TNRC6B: variants seen among roughly 807,000 people sequenced by gnomAD.
TNRC6B encodes the protein trinucleotide repeat-containing gene 6B protein.
TNRC6B carries 52 observed loss-of-function variants against 203.6 expected under a neutral mutation model. The observed-to-expected ratio is 0.26, with a 90% CI of 0.20 to 0.32. TNRC6B has a LOEUF of 0.32. Ranked by LOEUF, TNRC6B falls within the 10% of genes least tolerant of loss-of-function variation. TNRC6B has a pLI of 1.00. For synonymous variants in TNRC6B, 838 were observed against 845.7 expected, an observed-to-expected ratio of 0.99 and a Z score of 0.16; for missense variants, 1,923 against 2,286.2, an observed-to-expected ratio of 0.84 and a Z score of 3.24.
chr22:40,202,765 GA>G (rs1205891157), intron 1 of TNRC6B, among the ~76,000 whole-genome samples: 1 of 152,116 alleles, frequency 6.6e-6, no homozygotes, highest in Admixed American at 6.6e-5. Flanking sequence ...GCCAGGAGTA[GA>G]CTGCGTGGAG....
intron 1 of TNRC6B, among the ~76,000 whole-genome samples, chr22:40,218,089 C>T (rs1027672167): frequency 2.0e-5 from 3 of 151,924 alleles, no homozygotes; most frequent in Admixed American, 6.6e-5. Context: ...CAATGGCTGA[C>T]ATTTCTTTAT....
chr22:40,275,804 C>T (rs2070634048), intron 7 of TNRC6B, among the ~76,000 whole-genome samples: 1 of 151,954 alleles, frequency 6.6e-6, no homozygotes, highest in Non-Finnish European at 1.5e-5. Flanking sequence ...ACTAAACCTA[C>T]AAAAATTAGC....
Position 40,265,227 on chromosome 22 carries a change from A to G in TNRC6B, c.997A>G (p.Ser333Gly), listed in dbSNP as rs2070458916. The G allele has an allele frequency of 1.9e-6, 3 of 1,613,942 alleles. No homozygotes were observed. Among genetic ancestry groups the G allele is most frequent in the Admixed American group, 3.3e-5 (2 of 60,008 alleles). The change falls in exon 5 of 23, where the codon AGT becomes GGT. Residue 333 changes from serine to glycine, a missense_variant. Physicochemically the swap from Ser to Gly is moderately conservative, Grantham distance 56 (BLOSUM62 0). Around this residue, in one of 8 missense-constraint regions of TNRC6B, gnomAD observed 614 missense variants for 587.7 expected, o/e 1.04. Transcript: ENST00000454349. ...GALETDNSNSSAQVSTVGQTS... is the reference protein window; with the variant it reads ...GALETDNSNSGAQVSTVGQTS... The stretch of plus-strand genomic sequence containing the variant: ...ATTGGAAACAGATAATAGTAATTCC[A>G]GTGCACAGGTTAGCACAGTAGGTCA...
At chr22:40,284,823 A>G (rs1401983166) in intron 11 of TNRC6B, among the ~76,000 whole-genome samples, 1 of 152,202 alleles carries the variant, frequency 6.6e-6, no homozygotes, top group Non-Finnish European at 1.5e-5. Flanking sequence ...GGCAGAGAGA[A>G]CACAGTGTTG....
At chr22:40,140,339 G>T (rs1256374749) in intron 3 of TNRC6B, among the ~76,000 whole-genome samples, 1 of 152,172 alleles carries the variant, frequency 6.6e-6, no homozygotes, top group Admixed American at 6.5e-5. Flanking sequence ...TAGTCAAAGA[G>T]ATGTAAGCAG....
chr22:40,255,120 A>G (rs1228403099), intron 3 of TNRC6B, among the ~76,000 whole-genome samples: 2 of 152,220 alleles, frequency 1.3e-5, no homozygotes, highest in African/African-American at 4.8e-5. Flanking sequence ...ACTGTCTTCA[A>G]AAATTTGAAG....
chr22:40,098,778 A>G (rs1426414305), intron 1 of TNRC6B, among the ~76,000 whole-genome samples: 1 of 151,968 alleles, frequency 6.6e-6, no homozygotes, highest in Non-Finnish European at 1.5e-5. Flanking sequence ...CCCATACTGG[A>G]GTGCAGTGGT....
At chr22:40,285,922 A>C (rs1471316175) in intron 12 of TNRC6B, among the ~76,000 whole-genome samples, 152 bp downstream of exon 12, 2 of 152,260 alleles carry the variant, frequency 1.3e-5, no homozygotes, top group African/African-American at 4.8e-5. Context: ...GCTAAGATCA[A>C]GTAGAGTAAA....
At chr22:40,283,317 C>T (rs913129963) in intron 11 of TNRC6B, among the ~76,000 whole-genome samples, 2 of 152,172 alleles carry the variant, frequency 1.3e-5, no homozygotes, top group South Asian at 2.1e-4. Context: ...GGATTACAGG[C>T]GTGAGCCACC....
chr22:40,220,482 G>T (rs536545042), intron 1 of TNRC6B, among the ~76,000 whole-genome samples: 1 of 152,188 alleles, frequency 6.6e-6, no homozygotes, highest in African/African-American at 2.4e-5. Flanking sequence ...TGGGGAGGAG[G>T]GGGGGAGGGG....
intron 1 of TNRC6B, among the ~76,000 whole-genome samples, chr22:40,200,549 A>G (rs906308625): frequency 6.6e-6 from 1 of 151,786 alleles, no homozygotes; most frequent in African/African-American, 2.4e-5. Flanking sequence ...CGGCCTCCCA[A>G]AGTGCTGGGA....
rs1463986240 is a variant in TNRC6B, at chr22:40,329,835, C to G, written c.*6594C>G. On this transcript the variant is annotated 3_prime_UTR_variant, in exon 23 of 23. Coordinates refer to ENST00000454349, the MANE Select transcript of TNRC6B (RefSeq NM_001162501.2). ...AGTTGCAGTAACTGCCAGTGTTTGC[C>G]TCACCAAATTTAAATCGTTCCCTTT... 6.6e-6 allele frequency: 1 copy of G among 152,256 alleles called. No homozygotes were observed. The highest frequency in any genetic ancestry group is 6.5e-5 in the Admixed American group (1 of 15,280). The allele number at this position is 152,256 out of a possible 1,614,324, so 9.4% of individuals were successfully genotyped here. A position where few individuals can be genotyped will look rare whatever the true frequency, so the allele number is the denominator to read the frequency against.
At chr22:40,194,379 G>A (rs1056773471) in intron 1 of TNRC6B, among the ~76,000 whole-genome samples, 4 of 152,128 alleles carry the variant, frequency 2.6e-5, no homozygotes, top group African/African-American at 7.2e-5. Flanking sequence ...CGATGGCCTC[G>A]GCTGCTGAGC....
intron 1 of TNRC6B, among the ~76,000 whole-genome samples, chr22:40,186,140 C>G (rs1416815505): frequency 6.6e-6 from 1 of 152,016 alleles, no homozygotes; most frequent in East Asian, 1.9e-4. Flanking sequence ...GAAAAAAGAA[C>G]TGAGAATGAG....
At chr22:40,172,339 A>G (rs927850655) in intron 4 of TNRC6B, among the ~76,000 whole-genome samples, 2 of 152,258 alleles carry the variant, frequency 1.3e-5, no homozygotes, top group Non-Finnish European at 2.9e-5. Flanking sequence ...TCAGCTCCAT[A>G]TAGACGAGAA....
At position 40,262,153 on chromosome 22, in the gene TNRC6B, G is replaced by C; in HGVS notation, c.437G>C (p.Ser146Thr). The C allele has an allele frequency of 1.4e-6, 2 of 1,451,198 alleles. No individual in the cohort carries two copies. Among genetic ancestry groups the C allele is most frequent in the Non-Finnish European group, 1.8e-6 (2 of 1,082,532 alleles). The allele number at this position is 1,451,198 out of a possible 1,614,324, so 89.9% of individuals were successfully genotyped here. The change falls in exon 4 of 23, where the codon AGT (serine) becomes ACT (threonine). Residue 146 changes from serine (S) to threonine (T), a missense_variant. Physicochemically the swap from Ser to Thr is moderately conservative, Grantham distance 58 (BLOSUM62 1). Coordinates refer to ENST00000454349, the MANE Select transcript of TNRC6B (RefSeq NM_001162501.2). ...CAAGTGACAGGAGCGCTGCTGCAGA[G>C]TGAGAGTGGGACTGCGCCAGGTAAG... ...NAQVTGALLQ[S>T]ESGTAPDSTL...
chr22:40,078,531 A>G (rs2068038678), intron 1 of TNRC6B, among the ~76,000 whole-genome samples: 1 of 152,116 alleles, frequency 6.6e-6, no homozygotes, highest in Non-Finnish European at 1.5e-5. Context: ...TCAAAAGAAA[A>G]TTATTTATGA....
intron 12 of TNRC6B, among the ~76,000 whole-genome samples, chr22:40,289,312 GAACA>G (rs2070836630): frequency 6.6e-6 from 1 of 151,920 alleles, no homozygotes; most frequent in Non-Finnish European, 1.5e-5. Flanking sequence ...GGGAGGGAGG[GAACA>G]AACAAACACT....
At position 40,321,522 on chromosome 22, in the gene TNRC6B, C is replaced by G. The variant is rs563863871; in HGVS notation, c.5114+293C>G. 3 of 293,018 alleles carry G rather than the reference C, an allele frequency of 1.0e-5. No individual in the cohort carries two copies. In the South Asian group the frequency reaches 1.6e-4, roughly 16 times the overall value. The allele number at this position is 293,018 out of a possible 1,614,324, so 18.2% of individuals were successfully genotyped here. On this transcript the variant is annotated intron_variant, in intron 22 of 22. Transcript: ENST00000454349. Reference sequence around the variant, plus strand: ...TAAAGCTAGGGCCGGGCACAGTGGCCCATGCCTGTAATCCCAGCACTTTGG... The same window carrying G: ...TAAAGCTAGGGCCGGGCACAGTGGCGCATGCCTGTAATCCCAGCACTTTGG...
Sources: gnomAD v4.1 joint callset for allele counts (sites outside exome capture counted in the v4.1 genomes callset) on GRCh38, gnomAD v4.1.1 for gene constraint, gnomAD v4.1.1 regional missense constraint, MANE v1.5 for transcripts, NCBI Gene and HGNC (gene_info 2026-07-23, HGNC 2026-07-21) for gene names.